Variants in CSMD1 observed in about 807,000 individuals in gnomAD.
The protein encoded by CSMD1 is CUB and sushi domain-containing protein 1.
In CSMD1, 213 loss-of-function variants were observed where a neutral mutation model predicts 417.5. The ratio of observed to expected loss-of-function variants is 0.51; its 90% confidence interval spans 0.46 to 0.57. The LOEUF (loss-of-function observed/expected upper bound fraction) is 0.57. CSMD1 is among the 20% of genes least tolerant of loss of function. The pLI is 0.00. For synonymous variants in CSMD1, 2,862 were observed against 1,736.8 expected, an observed-to-expected ratio of 1.65 and a Z score of -16.11; for missense variants, 6,923 against 4,529.7, an observed-to-expected ratio of 1.53 and a Z score of -15.17.
intron 44 of CSMD1, 132 bp from the exon 45 acceptor site, chr8:3,107,930 T>A: frequency 1.7e-6 from 1 of 575,198 alleles, no homozygotes; most frequent in South Asian, 2.5e-5. Context: ...TATTCCTGAA[T>A]CATAGCTTTA....
intron 1 of CSMD1, among the ~76,000 whole-genome samples, chr8:4,934,959 C>T (rs58680078): frequency 0.034 from 5,214 of 152,214 alleles, 278 homozygotes; most frequent in African/African-American, 0.12. Flanking sequence ...CATCTACCTG[C>T]CTATATCTAT....
At chr8:4,259,919 A>C (rs1378977824) in intron 3 of CSMD1, among the ~76,000 whole-genome samples, 1 of 152,190 alleles carries the variant, frequency 6.6e-6, no homozygotes, top group African/African-American at 2.4e-5. Flanking sequence ...GTTGTATAAT[A>C]CTACAAAATT....
chr8:3,688,864 G>C (rs1034828859), intron 7 of CSMD1, among the ~76,000 whole-genome samples: 3 of 151,982 alleles, frequency 2.0e-5, no homozygotes, highest in Admixed American at 1.3e-4. Context: ...AAAGAATAGA[G>C]AGATCAGAAA....
At chr8:4,381,907 A>C (rs1803131095) in intron 3 of CSMD1, among the ~76,000 whole-genome samples, 3 of 152,216 alleles carry the variant, frequency 2.0e-5, no homozygotes, top group Admixed American at 6.5e-5. Flanking sequence ...TGATCAAGAC[A>C]CTTGCCCACT....
In CSMD1 at chr8:4,862,348, A is replaced by C. The variant is rs959601917; in HGVS notation, c.85+131984T>G. ...ATGGAAAATTATTAGAGGGCTTTGC[A>C]CAGATGGAGAATTAACTTGATTTGG... On this transcript the variant is annotated intron_variant, in intron 1 of 69. Coordinates refer to ENST00000635120, the MANE Select transcript of CSMD1 (RefSeq NM_033225.6). Among the ~76,000 whole-genome samples, 10 of 152,270 alleles carry C rather than the reference A, an allele frequency of 6.6e-5. No homozygotes were observed. The South Asian group carries it at 1.7e-3, about 25-fold the overall frequency.
intron 3 of CSMD1, among the ~76,000 whole-genome samples, chr8:4,233,817 A>T (rs993981193): frequency 7.9e-5 from 12 of 152,138 alleles, no homozygotes; most frequent in African/African-American, 2.9e-4. Flanking sequence ...ATGAAATTTC[A>T]TTTGAGTTGG....
intron 1 of CSMD1, among the ~76,000 whole-genome samples, chr8:4,760,702 C>G (rs779906109): frequency 2.0e-5 from 3 of 152,068 alleles, no homozygotes; most frequent in Admixed American, 6.6e-5. Flanking sequence ...CAAATTTACT[C>G]TAATAAAAGG....
chr8:3,902,978 T>C lies in CSMD1; in HGVS notation c.818+94925A>G, dbSNP rs537483543. On this transcript the variant is annotated intron_variant, in intron 5 of 69. Transcript: ENST00000635120. ...TCAGTAGACTCTGACCTCCTGAACATGCATTGTTTTATTCTTTCTAGTCTT... is the reference window on the plus strand; with the variant it reads ...TCAGTAGACTCTGACCTCCTGAACACGCATTGTTTTATTCTTTCTAGTCTT... 2.0e-5 allele frequency among the ~76,000 whole-genome samples: 3 copies of C among 152,284 alleles called. No homozygotes were observed. In the East Asian group the frequency reaches 5.8e-4, roughly 29 times the overall value.
At chr8:4,042,059 A>T (rs1342303490) in intron 3 of CSMD1, among the ~76,000 whole-genome samples, 1 of 152,216 alleles carries the variant, frequency 6.6e-6, no homozygotes, top group Non-Finnish European at 1.5e-5. Flanking sequence ...AGACACAAGT[A>T]TGTAATTAAA....
chr8:3,913,366 C>G (rs544873792), intron 5 of CSMD1, among the ~76,000 whole-genome samples: 2 of 152,158 alleles, frequency 1.3e-5, no homozygotes, highest in South Asian at 4.2e-4. Flanking sequence ...GAGGAAGCAA[C>G]AAGCACAAAG....
Position 3,052,580 on chromosome 8 carries a change from G to A in CSMD1, c.7542C>T (p.Asp2514=), listed in dbSNP as rs1013825872. ...GSFTGNEFTL[D]SKVVYECHEG... ...CATGACATTCATAGACCACTTTACT[G>A]TCCAAAGTGAACTCGTTCCCGGTAA... Residue 2514 remains aspartate (D), a synonymous_variant, in exon 50 of 70, where the codon GAC becomes GAT. Coordinates refer to ENST00000635120, the MANE Select transcript of CSMD1 (RefSeq NM_033225.6). 13 of 1,611,426 alleles carry A rather than the reference G, an allele frequency of 8.1e-6. 1 individual carries two copies. The highest frequency in any genetic ancestry group is 6.6e-5 in the South Asian group (6 of 90,306).
intron 1 of CSMD1, among the ~76,000 whole-genome samples, chr8:4,879,385 A>G (rs1803256129): frequency 6.6e-6 from 1 of 152,134 alleles, no homozygotes; most frequent in Non-Finnish European, 1.5e-5. Context: ...GGCATGAGTA[A>G]CTGGCTGAAC....
At chr8:4,062,693 A>T (rs1389608439) in intron 3 of CSMD1, among the ~76,000 whole-genome samples, 1 of 152,086 alleles carries the variant, frequency 6.6e-6, no homozygotes, top group East Asian at 1.9e-4. Context: ...CCATGATGGC[A>T]AAGCCACACT....
chr8:3,554,700 T>C (rs1358248236), intron 10 of CSMD1, among the ~76,000 whole-genome samples: 1 of 152,152 alleles, frequency 6.6e-6, no homozygotes, highest in African/African-American at 2.4e-5. Context: ...CAGCCTGGCT[T>C]TGTTAATCAG....
chr8:3,959,232 G>T (rs893378088), intron 5 of CSMD1, among the ~76,000 whole-genome samples: 1 of 152,274 alleles, frequency 6.6e-6, no homozygotes, highest in South Asian at 2.1e-4. Flanking sequence ...GAGCAGGGTG[G>T]GACACGTGTG....
chr8:3,773,742 G>A (rs56172812), intron 5 of CSMD1, among the ~76,000 whole-genome samples: 3,259 of 152,244 alleles, frequency 0.021, 115 homozygotes, highest in African/African-American at 0.075. Context: ...CAAGCATGAT[G>A]GGCGGTGACA....
chr8:3,196,697 G>A (rs1323416335), intron 33 of CSMD1, among the ~76,000 whole-genome samples: 1 of 152,182 alleles, frequency 6.6e-6, no homozygotes, highest in Non-Finnish European at 1.5e-5. Context: ...TCATGCCTGA[G>A]CCACAGCTGC....
chr8:4,408,492 A>T (rs1186475401), intron 3 of CSMD1, among the ~76,000 whole-genome samples: 1 of 152,208 alleles, frequency 6.6e-6, no homozygotes, highest in Non-Finnish European at 1.5e-5. Flanking sequence ...GCTTAATTTT[A>T]CTTCTTTATC....
intron 1 of CSMD1, among the ~76,000 whole-genome samples, chr8:4,830,664 C>G (rs992079177): frequency 2.0e-5 from 3 of 152,180 alleles, no homozygotes; most frequent in African/African-American, 7.2e-5. Flanking sequence ...ACAGAAAAAT[C>G]CACTTAATGC....
Sources: allele counts gnomAD v4.1 joint callset (sites outside exome capture counted in the v4.1 genomes callset), GRCh38; gene constraint gnomAD v4.1.1; transcripts MANE v1.5; gene names NCBI Gene and HGNC (gene_info 2026-07-23, HGNC 2026-07-21).